SCAPER: variants seen among roughly 807,000 people sequenced by gnomAD.
The protein encoded by SCAPER is S-phase cyclin A associated protein in the ER, also known as S phase cyclin A-associated protein in the endoplasmic reticulum.
SCAPER carries 98 observed loss-of-function variants against 182.2 expected under a neutral mutation model. That is an observed-to-expected ratio of 0.54 (90% CI 0.46 to 0.64). The LOEUF is 0.64. SCAPER is among the 30% of genes least tolerant of loss of function. SCAPER has a pLI of 0.00. For missense variants in SCAPER, 1,432 were observed against 1,690.0 expected (o/e 0.85, Z 2.68); for synonymous variants, 605 against 564.6 (o/e 1.07, Z -1.01).
At chr15:76,552,410 G>C (rs1417444255) in intron 23 of SCAPER, among the ~76,000 whole-genome samples, 2 of 152,142 alleles carry the variant, frequency 1.3e-5, no homozygotes, top group African/African-American at 4.8e-5. Context: ...CGGAGGGAAG[G>C]CATTGAGAGT....
chr15:76,636,935 T>C (rs2053651187), intron 21 of SCAPER, among the ~76,000 whole-genome samples: 1 of 152,180 alleles, frequency 6.6e-6, no homozygotes. Context: ...GAGAAATCTT[T>C]ATAATTATAA....
chr15:76,818,875 G>A (rs1290193233), intron 5 of SCAPER, among the ~76,000 whole-genome samples: 1 of 152,216 alleles, frequency 6.6e-6, no homozygotes, highest in African/African-American at 2.4e-5. Context: ...TGGAAAATCG[G>A]GTCATCCCAC....
chr15:76,590,794 C>T (rs1446347618), intron 22 of SCAPER, among the ~76,000 whole-genome samples: 2 of 152,140 alleles, frequency 1.3e-5, no homozygotes, highest in African/African-American at 4.8e-5. Context: ...CCTAAGTGTC[C>T]ATCAACAGAT....
chr15:76,617,716 G>A (rs1440366747), intron 22 of SCAPER, among the ~76,000 whole-genome samples: 1 of 152,130 alleles, frequency 6.6e-6, no homozygotes, highest in Non-Finnish European at 1.5e-5. Flanking sequence ...GACCCGTGAG[G>A]CTAAGGCTTG....
At chr15:76,842,353 C>G (rs949907822) in intron 4 of SCAPER, among the ~76,000 whole-genome samples, 3 of 152,134 alleles carry the variant, frequency 2.0e-5, no homozygotes, top group Non-Finnish European at 4.4e-5. Flanking sequence ...ATGGAGGTAA[C>G]TGAATCATGG....
intron 31 of SCAPER, 149 bp from the exon 32 acceptor site, chr15:76,348,885 T>C (rs1052409773): frequency 1.8e-6 from 1 of 569,348 alleles, no homozygotes; most frequent in Non-Finnish European, 3.2e-6. Context: ...AATAAGGTGA[T>C]TGATCTATAT....
chr15:76,753,176 C>A (rs1307730668), intron 15 of SCAPER, among the ~76,000 whole-genome samples: 3 of 151,696 alleles, frequency 2.0e-5, no homozygotes, highest in Admixed American at 2.0e-4. Flanking sequence ...ATTGCCACAG[C>A]AGCTATATTT....
chr15:76,859,097 G>GT (rs1190547010), intron 3 of SCAPER, among the ~76,000 whole-genome samples: 1 of 152,206 alleles, frequency 6.6e-6, no homozygotes, highest in Non-Finnish European at 1.5e-5. Context: ...CCAGCAGTGT[G>GT]TAAGTGTTCC....
intron 8 of SCAPER, among the ~76,000 whole-genome samples, chr15:76,780,095 A>G (rs942254944): frequency 2.6e-5 from 4 of 152,252 alleles, no homozygotes; most frequent in African/African-American, 9.6e-5. Flanking sequence ...CAGGAAATAC[A>G]AGGGATCCAG....
intron 15 of SCAPER, among the ~76,000 whole-genome samples, chr15:76,744,375 T>C (rs771817255): frequency 3.3e-5 from 5 of 152,102 alleles, no homozygotes; most frequent in East Asian, 1.9e-4. Flanking sequence ...GAGACAATAT[T>C]TGCAAACAAT....
intron 20 of SCAPER, among the ~76,000 whole-genome samples, chr15:76,676,229 G>A (rs1422569910): frequency 3.9e-5 from 6 of 152,140 alleles, no homozygotes; most frequent in African/African-American, 1.4e-4. Flanking sequence ...TGGGCCCTGA[G>A]CCTTGATGGC....
rs577167624 is a variant in SCAPER at position 76,854,274 on chromosome 15, A to C, written c.195+3535T>G. Among the ~76,000 whole-genome samples the C allele has an allele frequency of 2.6e-5, 4 of 152,260 alleles. No homozygotes were observed. The South Asian group carries it at 6.2e-4, about 24-fold the overall frequency. ...TAGAGCAAGACTCCATCTCAAAAAA[A>C]ACAAAAACAAAAAAGTCATTAGCAT... On this transcript the variant is annotated intron_variant, in intron 4 of 31. Coordinates refer to ENST00000563290, the MANE Select transcript of SCAPER (RefSeq NM_020843.4).
intron 30 of SCAPER, among the ~76,000 whole-genome samples, chr15:76,351,574 AT>A (rs1432442620): frequency 6.6e-6 from 1 of 152,254 alleles, no homozygotes; most frequent in African/African-American, 2.4e-5. Flanking sequence ...CTATCTTAAA[AT>A]ATCAACAGGT....
intron 8 of SCAPER, among the ~76,000 whole-genome samples, chr15:76,788,289 G>T (rs1461682622): frequency 6.6e-6 from 1 of 152,088 alleles, no homozygotes; most frequent in Non-Finnish European, 1.5e-5. Context: ...CATTATGTGT[G>T]AATATACTAA....
At chr15:76,614,626 A>T (rs2051292626) in intron 22 of SCAPER, among the ~76,000 whole-genome samples, 1 of 152,202 alleles carries the variant, frequency 6.6e-6, no homozygotes, top group Admixed American at 6.5e-5. Context: ...GACAAATGAA[A>T]ATGAAAGCAC....
At position 76,381,498 on chromosome 15, in the gene SCAPER, G is replaced by A; in HGVS notation, c.3585C>T (p.Thr1195=). The A allele has an allele frequency of 6.2e-7, 1 of 1,613,630 alleles. No individual in the cohort carries two copies. The highest frequency in any genetic ancestry group is 8.5e-7 in the Non-Finnish European group (1 of 1,179,794). The change falls in exon 28 of 32, where the codon ACC becomes ACT. Residue 1195 remains threonine, a synonymous_variant. Transcript: ENST00000563290. The part of the protein sequence containing the change: ...HMLYCVLFHG[T]ILDPSTASPK... ...GACTGGCAGTGCTGGGGTCCAAGAT[G>A]GTGCCATGGAAGAGGACACAGTAGA...
chr15:76,622,860 C>T (rs1386998247), intron 21 of SCAPER, among the ~76,000 whole-genome samples: 6 of 152,250 alleles, frequency 3.9e-5, no homozygotes, highest in South Asian at 2.1e-4. Flanking sequence ...TGTGGAAATG[C>T]GATCCCCAAT....
chr15:76,790,429 T>C (rs1035107772), intron 8 of SCAPER, among the ~76,000 whole-genome samples: 1 of 152,208 alleles, frequency 6.6e-6, no homozygotes. Context: ...TGACCTGGAA[T>C]GTTCTTCATG....
intron 14 of SCAPER, among the ~76,000 whole-genome samples, chr15:76,762,924 TG>T (rs1411532366): frequency 6.6e-6 from 1 of 152,210 alleles, no homozygotes; most frequent in Non-Finnish European, 1.5e-5. Context: ...CCTAAAGTAC[TG>T]GGATTACAAG....
Sources: gnomAD v4.1 joint callset for allele counts (sites outside exome capture counted in the v4.1 genomes callset) on GRCh38, gnomAD v4.1.1 for gene constraint, MANE v1.5 for transcripts, NCBI Gene and HGNC (gene_info 2026-07-23, HGNC 2026-07-21) for gene names.